NMNAT3: variants seen among roughly 807,000 people sequenced by gnomAD.
NMNAT3 encodes nicotinamide/nicotinic acid mononucleotide adenylyltransferase 3.
Under a neutral mutation model 24.8 loss-of-function variants are expected in NMNAT3, and 21 were observed. The ratio of observed to expected loss-of-function variants is 0.85; its 90% CI spans 0.60 to 1.22. The LOEUF (loss-of-function observed/expected upper bound fraction) is 1.22. Ranked by LOEUF, NMNAT3 falls within the 50% of genes most tolerant of loss-of-function variation. The pLI is 0.00. For missense variants in NMNAT3, 387 were observed against 436.6 expected (o/e 0.89, Z 1.01); for synonymous variants, 136 against 155.2 (o/e 0.88, Z 0.92).
intron 3 of NMNAT3, among the ~76,000 whole-genome samples, chr3:139,611,706 T>C (rs2055222744): frequency 6.6e-6 from 1 of 151,906 alleles, no homozygotes; most frequent in Admixed American, 6.5e-5. Flanking sequence ...GAGCCAGGGC[T>C]GGGTGGGGGG....
intron 6 of NMNAT3, chr3:139,568,501 A>G (rs1278381438): frequency 6.6e-6 from 1 of 152,158 alleles, no homozygotes; most frequent in Admixed American, 6.5e-5. Context: ...TTCCCTCTAC[A>G]CACTGCTTTG....
rs570915293 is a variant in NMNAT3 at position 139,636,224 on chromosome 3, A to C, written c.-41+1739T>G. 4 of 152,350 alleles carry C rather than the reference A, an allele frequency of 2.6e-5. No homozygotes were observed. The East Asian group carries it at 7.7e-4, about 29-fold the overall frequency. 9.4% of individuals were successfully genotyped at this position (152,350 alleles called of 1,614,324 possible). A position where few individuals can be genotyped will look rare whatever the true frequency, so the allele number is the denominator to read the frequency against. ...TGAATGTTTATTGGGTTAGTATATA[A>C]AAATGGAAAAGTATGTAAACTTTTA... On this transcript the variant is annotated intron_variant, in intron 2 of 6. Transcript: ENST00000643695.
At chr3:139,608,798 T>C (rs1056913734) in intron 3 of NMNAT3, among the ~76,000 whole-genome samples, 1 of 152,202 alleles carries the variant, frequency 6.6e-6, no homozygotes, top group Non-Finnish European at 1.5e-5. Context: ...GTAGTTTTCA[T>C]GTAATCATCG....
At chr3:139,563,422 A>G (rs1203190338) in intron 6 of NMNAT3, among the ~76,000 whole-genome samples, 2 of 152,152 alleles carry the variant, frequency 1.3e-5, no homozygotes, top group Non-Finnish European at 2.9e-5. Flanking sequence ...CTCTCTTCCT[A>G]CAGGTCAGAG....
intron 3 of NMNAT3, among the ~76,000 whole-genome samples, chr3:139,594,135 C>T (rs1300311276): frequency 6.6e-6 from 1 of 152,016 alleles, no homozygotes; most frequent in Non-Finnish European, 1.5e-5. Flanking sequence ...GGGATATCAC[C>T]ACCGATCCTA....
intron 1 of NMNAT3, among the ~76,000 whole-genome samples, chr3:139,646,087 T>G (rs1183199803): frequency 6.6e-6 from 1 of 152,026 alleles, no homozygotes; most frequent in African/African-American, 2.4e-5. Flanking sequence ...GGGATGTAGG[T>G]GGGGTGGGGG....
chr3:139,576,377 T>G (rs1256201160), intron 5 of NMNAT3: 2 of 587,806 alleles, frequency 3.4e-6, no homozygotes, highest in African/African-American at 2.0e-5. Flanking sequence ...CTGTGTTGAC[T>G]GTAACAGTGA....
At position 139,561,228 on chromosome 3, in the gene NMNAT3, T is replaced by G; in HGVS notation, c.823A>C (p.Ile275Leu). The stretch of plus-strand genomic sequence containing the variant: ...ATGTTGTGCTGGTGCATCCGTAGGA[T>G]GGGAGATTCTGCGATGTAACCTTTT... The change falls in exon 7 of 7, where the codon ATC becomes CTC. Residue 275 changes from isoleucine to leucine, a missense_variant. Coordinates refer to ENST00000643695, the MANE Select transcript of NMNAT3 (RefSeq NM_001320510.2). 1 of 1,614,156 alleles carries G rather than the reference T, an allele frequency of 6.2e-7. No individual in the cohort carries two copies. Among genetic ancestry groups the G allele is most frequent in the Non-Finnish European group, 8.5e-7 (1 of 1,180,020 alleles).
intron 6 of NMNAT3, among the ~76,000 whole-genome samples, chr3:139,572,920 C>A (rs756049645): frequency 6.6e-6 from 1 of 152,164 alleles, no homozygotes; most frequent in Non-Finnish European, 1.5e-5. Context: ...GAGACCCTGC[C>A]GTAGGAAATT....
intron 1 of NMNAT3, among the ~76,000 whole-genome samples, chr3:139,676,611 CT>C (rs1311382502): frequency 5.9e-5 from 9 of 152,170 alleles, no homozygotes; most frequent in Non-Finnish European, 1.3e-4. Context: ...GGAACTGTCA[CT>C]TTATTTCACC....
intron 3 of NMNAT3, among the ~76,000 whole-genome samples, chr3:139,618,478 G>GGAAA (rs10663605): frequency 0.091 from 13,886 of 152,210 alleles, 851 homozygotes; most frequent in Non-Finnish European, 0.14. Flanking sequence ...TTGTGAAAGG[G>GGAAA]GAAAGAGTGC....
intron 3 of NMNAT3, among the ~76,000 whole-genome samples, chr3:139,591,456 T>C (rs945291499): frequency 1.5e-4 from 23 of 152,062 alleles, no homozygotes; most frequent in African/African-American, 5.6e-4. Flanking sequence ...TCGAACTGGG[T>C]GGAGCCCACC....
Position 139,608,842 on chromosome 3 carries a change from C to T in NMNAT3, c.109+18774G>A, listed in dbSNP as rs1227608725. The stretch of plus-strand genomic sequence containing the variant: ...AAGGCACAGAATGCTTCACTTCCAT[C>T]ACTATAAGGAACCCTTGTGTTGCCC... On this transcript the variant is annotated intron_variant, in intron 3 of 6. Transcript: ENST00000643695. Among the ~76,000 whole-genome samples the T allele has an allele frequency of 2.0e-5, 3 of 152,292 alleles. No homozygotes were observed. The East Asian group carries it at 5.8e-4, about 29-fold the overall frequency.
At chr3:139,598,306 A>G (rs1282010855) in intron 3 of NMNAT3, among the ~76,000 whole-genome samples, 1 of 152,104 alleles carries the variant, frequency 6.6e-6, no homozygotes, top group Non-Finnish European at 1.5e-5. Context: ...TGGGGTAGGT[A>G]TTTGTGACTG....
At chr3:139,642,805 A>G in intron 1 of NMNAT3, among the ~76,000 whole-genome samples, 1 of 152,112 alleles carries the variant, frequency 6.6e-6, no homozygotes, top group East Asian at 1.9e-4. Context: ...CTTTTCCTGC[A>G]TTAGTGCTGG....
intron 3 of NMNAT3, among the ~76,000 whole-genome samples, chr3:139,594,682 C>T (rs1373824569): frequency 6.6e-5 from 10 of 152,138 alleles, no homozygotes. Context: ...AAATGTAATC[C>T]AGCATATAAA....
At chr3:139,579,804 T>G (rs10935338) in intron 4 of NMNAT3, among the ~76,000 whole-genome samples, 13,204 of 152,232 alleles carry the variant, frequency 0.087, 1,244 homozygotes, top group East Asian at 0.37. Flanking sequence ...TCCCTGTTAT[T>G]CCTAGTTTAA....
At chr3:139,619,226 A>G (rs1017132052) in intron 3 of NMNAT3, among the ~76,000 whole-genome samples, 3 of 152,156 alleles carry the variant, frequency 2.0e-5, no homozygotes, top group African/African-American at 7.2e-5. Flanking sequence ...GATGCAGTAA[A>G]TATCTGTGGA....
chr3:139,591,767 T>C (rs2054197326), intron 3 of NMNAT3, among the ~76,000 whole-genome samples: 1 of 152,236 alleles, frequency 6.6e-6, no homozygotes, highest in African/African-American at 2.4e-5. Context: ...TCCTGTCTGT[T>C]AGAAGGAAAA....
Sources: allele counts gnomAD v4.1 joint callset (sites outside exome capture counted in the v4.1 genomes callset), GRCh38; gene constraint gnomAD v4.1.1; transcripts MANE v1.5; gene names NCBI Gene and HGNC (gene_info 2026-07-23, HGNC 2026-07-21).